BTBD16: variants seen among roughly 807,000 people sequenced by gnomAD.
The protein encoded by BTBD16 is BTB domain containing 16, also known as BTB/POZ domain-containing protein 16.
BTBD16 carries 66 observed loss-of-function variants against 67.4 expected under a neutral mutation model. That is an observed-to-expected ratio of 0.98 (90% CI 0.80 to 1.20). The LOEUF (loss-of-function observed/expected upper bound fraction) is 1.20, where lower values mean the gene tolerates loss of function less well. Among genes scored for constraint, BTBD16 ranks in the 50% most tolerant of loss-of-function variants. The pLI, the probability that BTBD16 is intolerant of heterozygous loss-of-function variation, is 0.00. For synonymous variants in BTBD16, 242 were observed against 236.4 expected, an observed-to-expected ratio of 1.02 and a Z score of -0.22; for missense variants, 634 against 616.0, an observed-to-expected ratio of 1.03 and a Z score of -0.31.
chr10:122,317,044 C>T (rs1163203192), intron 10 of BTBD16, among the ~76,000 whole-genome samples: 1 of 152,162 alleles, frequency 6.6e-6, no homozygotes, highest in Non-Finnish European at 1.5e-5. Flanking sequence ...CCGCCTTGGC[C>T]TCCCAAAGTG....
chr10:122,331,311 A>G, intron 12 of BTBD16, 53 bp downstream of exon 12: 1 of 1,599,296 alleles, frequency 6.3e-7, no homozygotes, highest in Non-Finnish European at 8.5e-7. Flanking sequence ...TGCCTCTCTG[A>G]CTTTGTTTTT....
intron 9 of BTBD16, among the ~76,000 whole-genome samples, chr10:122,305,785 G>A (rs1363885868): frequency 1.3e-5 from 2 of 152,066 alleles, no homozygotes; most frequent in Non-Finnish European, 2.9e-5. Flanking sequence ...TCCCTTAATG[G>A]TGTCCATGTG....
chr10:122,321,818 G>A (rs559680531), intron 10 of BTBD16, among the ~76,000 whole-genome samples: 1 of 152,226 alleles, frequency 6.6e-6, no homozygotes, highest in African/African-American at 2.4e-5. Context: ...CTGGGCAGAA[G>A]CTCTTAAGTT....
In BTBD16 at chr10:122,299,024, C is replaced by T. The variant is rs375825465; in HGVS notation, c.681C>T (p.Thr227=). 2 of 1,613,842 alleles carry T rather than the reference C, an allele frequency of 1.2e-6. No individual in the cohort carries two copies. The highest frequency in any genetic ancestry group is 1.7e-6 in the Non-Finnish European group (2 of 1,179,992). The change falls in exon 9 of 16, where the codon ACC becomes ACT. Residue 227 remains threonine (T), a synonymous_variant. Coordinates refer to ENST00000260723, the MANE Select transcript of BTBD16 (RefSeq NM_144587.5). ...AGCKYKEEQL[T]TGCEKWLEMN... is the part of the protein sequence containing the mutation. ...CTTAGTACAAGGAAGAGCAGCTCAC[C>T]ACCGGCTGCGAGAAGTGGCTGGAAA...
chr10:122,276,744 T>G, intron 2 of BTBD16, 47 bp from the exon 3 acceptor site: 1 of 1,593,650 alleles, frequency 6.3e-7, no homozygotes, highest in South Asian at 1.1e-5. Context: ...GGCATTTATG[T>G]GAAGTTAGAA....
intron 7 of BTBD16, among the ~76,000 whole-genome samples, chr10:122,296,540 C>T (rs995742233): frequency 1.3e-5 from 2 of 152,218 alleles, no homozygotes; most frequent in African/African-American, 4.8e-5. Flanking sequence ...AGTGGCTACT[C>T]TCGGGTGCCC....
At chr10:122,323,773 G>T (rs1314394577) in intron 10 of BTBD16, among the ~76,000 whole-genome samples, 3 of 152,080 alleles carry the variant, frequency 2.0e-5, no homozygotes, top group Non-Finnish European at 1.5e-5. Context: ...CTTTCATTTT[G>T]CAGTTGAATA....
At chr10:122,273,575 C>T (rs79204748) in intron 1 of BTBD16, among the ~76,000 whole-genome samples, 5,592 of 151,960 alleles carry the variant, frequency 0.037, 337 homozygotes, top group African/African-American at 0.13. Context: ...TCTGGGCAAC[C>T]CTGGCTCTAG....
At chr10:122,276,278 T>C (rs2096340330) in intron 2 of BTBD16, among the ~76,000 whole-genome samples, 1 of 152,218 alleles carries the variant, frequency 6.6e-6, no homozygotes, top group African/African-American at 2.4e-5. Context: ...GAAAATGTTC[T>C]GGAATTAGGT....
At chr10:122,303,251 C>A (rs1042728812) in intron 9 of BTBD16, among the ~76,000 whole-genome samples, 35 of 152,306 alleles carry the variant, frequency 2.3e-4, no homozygotes, top group African/African-American at 8.4e-4. Context: ...GACAATTAAA[C>A]CACTGTTAGG....
chr10:122,337,410 G>C (rs904117535), intron 15 of BTBD16, among the ~76,000 whole-genome samples: 31 of 152,304 alleles, frequency 2.0e-4, no homozygotes, highest in African/African-American at 6.0e-4. Flanking sequence ...AACTGACAGA[G>C]AACATGAAGG....
chr10:122,304,816 G>T (rs1370724994), intron 9 of BTBD16, among the ~76,000 whole-genome samples: 1 of 152,128 alleles, frequency 6.6e-6, no homozygotes, highest in African/African-American at 2.4e-5. Flanking sequence ...GCCTCCCAAA[G>T]TGCTGGGATT....
At chr10:122,334,842 T>G in intron 13 of BTBD16, 39 bp from the exon 14 acceptor site, 1 of 1,278,372 alleles carries the variant, frequency 7.8e-7, no homozygotes, top group Non-Finnish European at 1.1e-6. Context: ...ACTAAATATT[T>G]TCCCCCCTTC....
chr10:122,275,828 T>A (rs1467997618), intron 2 of BTBD16, among the ~76,000 whole-genome samples: 1 of 152,130 alleles, frequency 6.6e-6, no homozygotes, highest in Non-Finnish European at 1.5e-5. Context: ...CTCAAGAAAA[T>A]GTCTAAGACT....
chr10:122,332,948 A>T (rs2096457586), intron 13 of BTBD16: 5 of 985,362 alleles, frequency 5.1e-6, no homozygotes, highest in Non-Finnish European at 6.0e-6. Context: ...AGCTATTTTG[A>T]TGGATTTCAG....
intron 10 of BTBD16, among the ~76,000 whole-genome samples, chr10:122,314,745 A>G (rs1310973543): frequency 1.3e-5 from 2 of 152,154 alleles, no homozygotes; most frequent in African/African-American, 4.8e-5. Flanking sequence ...ATTTTAATAG[A>G]CTGTACATTC....
intron 3 of BTBD16, among the ~76,000 whole-genome samples, chr10:122,277,667 C>T (rs1260647880): frequency 6.6e-6 from 1 of 151,974 alleles, no homozygotes; most frequent in Non-Finnish European, 1.5e-5. Flanking sequence ...GGGGAGGTCC[C>T]AGGCTCTTGT....
chr10:122,275,709 C>T (rs149798466), intron 2 of BTBD16, among the ~76,000 whole-genome samples: 2,293 of 152,280 alleles, frequency 0.015, 63 homozygotes, highest in African/African-American at 0.051. Flanking sequence ...TGGGTCCCTC[C>T]TCGTGCTTTT....
At chr10:122,290,918 C>G in intron 6 of BTBD16, 162 bp from the exon 7 acceptor site, 3 of 675,676 alleles carry the variant, frequency 4.4e-6, no homozygotes, top group Non-Finnish European at 5.5e-6. Flanking sequence ...GCTGGTAGCA[C>G]AGATCGTCAG....
Sources: gnomAD v4.1 joint callset for allele counts (sites outside exome capture counted in the v4.1 genomes callset) on GRCh38, gnomAD v4.1.1 for gene constraint, MANE v1.5 for transcripts, NCBI Gene and HGNC (gene_info 2026-07-23, HGNC 2026-07-21) for gene names.